Variants in YLPM1 observed in about 807,000 individuals in gnomAD.
YLPM1 encodes YLP motif-containing protein 1.
YLPM1 carries 99 observed loss-of-function variants against 230.0 expected under a neutral mutation model. The observed-to-expected ratio is 0.43, with a 90% CI of 0.37 to 0.51. The LOEUF is 0.51. Among genes scored for constraint, YLPM1 ranks in the 20% least tolerant of loss-of-function variants. The pLI is 0.00. For synonymous variants in YLPM1, 984 were observed against 942.5 expected, an observed-to-expected ratio of 1.04 and a Z score of -0.81; for missense variants, 2,592 against 2,707.7, an observed-to-expected ratio of 0.96 and a Z score of 0.95.
At chr14:74,797,148 ATTT>A (rs71303895) in intron 4 of YLPM1, among the ~76,000 whole-genome samples, 5 of 100,774 alleles carry the variant, frequency 5.0e-5, no homozygotes, top group Non-Finnish European at 9.5e-5. Flanking sequence ...AAATTTTTGT[ATTT>A]TTTTTTTTTT....
chr14:74,835,026 G>A (rs1365238044), intron 19 of YLPM1: 1 of 411,852 alleles, frequency 2.4e-6, no homozygotes, highest in Non-Finnish European at 4.3e-6. Context: ...GAGAAAGAGA[G>A]GACAGGATTG....
chr14:74,764,813 A>G (rs932732510), intron 1 of YLPM1, among the ~76,000 whole-genome samples: 2 of 152,216 alleles, frequency 1.3e-5, no homozygotes, highest in Non-Finnish European at 2.9e-5. Context: ...TTTTAAAAAT[A>G]TTACTTAGGG....
chr14:74,765,362 A>C (rs1255704937), intron 1 of YLPM1, among the ~76,000 whole-genome samples: 1 of 152,220 alleles, frequency 6.6e-6, no homozygotes, highest in Non-Finnish European at 1.5e-5. Context: ...TTTCCAAAAG[A>C]TAGGGATGCA....
chr14:74,804,205 T>G (rs2091355519), intron 6 of YLPM1, among the ~76,000 whole-genome samples: 1 of 152,140 alleles, frequency 6.6e-6, no homozygotes, highest in African/African-American at 2.4e-5. Flanking sequence ...AAAAGTTCTC[T>G]CATGCCCTTT....
chr14:74,835,285 A>C lies in YLPM1; in HGVS notation c.6315A>C (p.Glu2105Asp). 1 of 1,613,680 alleles carries C rather than the reference A, an allele frequency of 6.2e-7. No individual in the cohort carries two copies. Among genetic ancestry groups the C allele is most frequent in the South Asian group, 1.1e-5 (1 of 91,076 alleles). The change falls in exon 20 of 21, where the codon GAA (glutamate) becomes GAC (aspartate). Residue 2105 changes from glutamate (E) to aspartate (D), a missense_variant. Transcript: ENST00000325680. ...TTTAGGTCAGATGGGCAGACCTGGA[A>C]GAGAAGAAGGATGCAGATAGGAAAA... ...GKKRVRWADL[E>D]EKKDADRKRA...
intron 4 of YLPM1, among the ~76,000 whole-genome samples, chr14:74,789,876 G>T (rs1594819955): frequency 6.6e-6 from 1 of 151,420 alleles, no homozygotes; most frequent in Middle Eastern, 3.4e-3. Context: ...TGCCCACCTT[G>T]GCCTTCCAAA....
rs868177278 is a variant in YLPM1 at position 74,781,824 on chromosome 14, C to T, written c.1781C>T (p.Pro594Leu). The T allele has an allele frequency of 6.2e-7, 1 of 1,612,478 alleles. No homozygotes were observed. Among genetic ancestry groups the T allele is most frequent in the Admixed American group, 1.7e-5 (1 of 59,916 alleles). ...SAGPPPVLPP[P>L]SLSSAGPPPV... ...GGGCCACCACCAGTTCTCCCCCCAC[C>T]TTCCCTGTCTTCTGCAGGGCCACCA... is the stretch of plus-strand genomic sequence containing the variant. The change falls in exon 4 of 21, where the codon CCT becomes CTT. Residue 594 changes from proline to leucine, a missense_variant. Pro to Leu is a moderately conservative substitution (Grantham distance 98, BLOSUM62 -3). Transcript: ENST00000325680.
At chr14:74,783,736 A>G (rs1454867133) in intron 4 of YLPM1, among the ~76,000 whole-genome samples, 2 of 152,218 alleles carry the variant, frequency 1.3e-5, no homozygotes, top group Non-Finnish European at 2.9e-5. Context: ...ACAAAACTCC[A>G]TCCACAATCA....
At chr14:74,811,106 C>T (rs2091430039) in intron 9 of YLPM1, among the ~76,000 whole-genome samples, 1 of 152,022 alleles carries the variant, frequency 6.6e-6, no homozygotes, top group African/African-American at 2.4e-5. Context: ...GGATTATAGG[C>T]GTGAGCCATC....
chr14:74,793,416 T>C (rs2091226887), intron 4 of YLPM1, among the ~76,000 whole-genome samples: 1 of 152,162 alleles, frequency 6.6e-6, no homozygotes, highest in Non-Finnish European at 1.5e-5. Context: ...ATTTTGAGAA[T>C]TGGAAATTTT....
chr14:74,780,367 T>A (rs751480484), intron 2 of YLPM1, 38 bp from the exon 3 acceptor site: 1 of 1,564,668 alleles, frequency 6.4e-7, no homozygotes, highest in Admixed American at 2.0e-5. Context: ...CTTGCTGTTT[T>A]ATGACTTACA....
intron 19 of YLPM1, among the ~76,000 whole-genome samples, chr14:74,831,260 G>T (rs1274378452): frequency 6.6e-6 from 1 of 152,144 alleles, no homozygotes; most frequent in African/African-American, 2.4e-5. Context: ...CCATTACAAA[G>T]AATCCAGGTT....
At position 74,798,900 on chromosome 14, in the gene YLPM1, T is replaced by A; in HGVS notation, c.3603T>A (p.His1201Gln). The A allele has an allele frequency of 6.2e-7, 1 of 1,613,778 alleles. No homozygotes were observed. The highest frequency in any genetic ancestry group is 8.5e-7 in the Non-Finnish European group (1 of 1,179,842). ...APWNHGEERG[H>Q]EEFPLDGRNA... ...GGAACCATGGAGAAGAGCGAGGGCA[T>A]GAAGAGTTTCCATTAGATGGTAGAA... The change falls in exon 5 of 21, where the codon CAT (histidine) becomes CAA (glutamine). Residue 1201 changes from histidine (H) to glutamine (Q), a missense_variant. Transcript: ENST00000325680.
In YLPM1 at chr14:74,835,320, G is replaced by A; in HGVS notation, c.6350G>A (p.Gly2117Asp). 6.2e-7 allele frequency: 1 copy of A among 1,613,752 alleles called. No homozygotes were observed. The highest frequency in any genetic ancestry group is 8.5e-7 in the Non-Finnish European group (1 of 1,179,742). ...KKDADRKRAI[G>D]FVVGQTDWEK... ...GATGCAGATAGGAAAAGGGCCATAG[G>A]TTTTGTGGTCGGACAGACTGATTGG... Residue 2117 changes from glycine (G) to aspartate (D), a missense_variant, in exon 20 of 21, where the codon GGT (glycine) becomes GAT (aspartate). Physicochemically the swap from Gly to Asp is moderately conservative, Grantham distance 94. Around this residue, in one of 4 missense-constraint regions of YLPM1, gnomAD observed 315 missense variants for 429.3 expected, o/e 0.73. Coordinates refer to ENST00000325680, the MANE Select transcript of YLPM1 (RefSeq NM_019589.3).
chr14:74,799,246 G>T lies in YLPM1; in HGVS notation c.3949G>T (p.Asp1317Tyr), dbSNP rs1369998045. 1 of 1,613,994 alleles carries T rather than the reference G, an allele frequency of 6.2e-7. No individual in the cohort carries two copies. Among genetic ancestry groups the T allele is most frequent in the Admixed American group, 1.7e-5 (1 of 60,020 alleles). The part of the protein sequence containing the change: ...EWDRDYGRPL[D>Y]EQESQFRERD... ...GGACAGAGATTATGGGAGACCACTG[G>T]ATGAACAAGAATCACAGTTTCGTGA... Residue 1317 changes from aspartate (D) to tyrosine (Y), a missense_variant, in exon 5 of 21, where the codon GAT becomes TAT. Transcript: ENST00000325680.
At position 74,797,647 on chromosome 14, in the gene YLPM1, C is replaced by T. The variant is rs567074692; in HGVS notation, c.2350C>T (p.Arg784Cys). The change falls in exon 5 of 21, where the codon CGT becomes TGT. Residue 784 changes from arginine to cysteine, a missense_variant. Transcript: ENST00000325680. Reference sequence around the variant, plus strand: ...TGAAGGACCGAGACCCAAAGGGCCTCGTTTTGAAGGAAATCGCCCCGATGG... The same window carrying T: ...TGAAGGACCGAGACCCAAAGGGCCTTGTTTTGAAGGAAATCGCCCCGATGG... ...RCEGPRPKGP[R>C]FEGNRPDGPR... 4.9e-5 allele frequency: 77 copies of T among 1,581,024 alleles called. No individual in the cohort carries two copies. Among genetic ancestry groups the T allele is most frequent in the South Asian group, 8.0e-5 (7 of 87,872 alleles).
chr14:74,819,015 A>T (rs1403886855), intron 16 of YLPM1, among the ~76,000 whole-genome samples: 1 of 152,048 alleles, frequency 6.6e-6, no homozygotes, highest in African/African-American at 2.4e-5. Flanking sequence ...ATATGGTGTT[A>T]ATTTATCTCA....
chr14:74,766,805 A>AGATCTTAT, intron 1 of YLPM1, among the ~76,000 whole-genome samples: 1 of 151,576 alleles, frequency 6.6e-6, no homozygotes, highest in Admixed American at 6.6e-5. Context: ...AGCAAATCTT[A>AGATCTTAT]GATCTTATGT....
intron 4 of YLPM1, among the ~76,000 whole-genome samples, chr14:74,786,918 GCAGTGTTT>G: frequency 6.6e-6 from 1 of 152,284 alleles, no homozygotes; most frequent in Middle Eastern, 3.4e-3. Context: ...ATTCTCACCA[GCAGTGTTT>G]CAGTGTTTCA....
Sources: gnomAD v4.1 joint callset for allele counts (sites outside exome capture counted in the v4.1 genomes callset) on GRCh38, gnomAD v4.1.1 for gene constraint, gnomAD v4.1.1 regional missense constraint, MANE v1.5 for transcripts, NCBI Gene and HGNC (gene_info 2026-07-23, HGNC 2026-07-21) for gene names.